XKRX: variants seen among roughly 807,000 people sequenced by gnomAD.
The protein encoded by XKRX is XK related X-linked, also known as XK-related protein 2.
A neutral mutation model predicts 22.4 loss-of-function variants in XKRX; 11 were observed. The ratio of observed to expected loss-of-function variants is 0.49; its 90% CI spans 0.31 to 0.81. The LOEUF (loss-of-function observed/expected upper bound fraction) is 0.81. XKRX is among the 40% of genes least tolerant of loss of function. The pLI, the probability that XKRX is intolerant of heterozygous loss-of-function variation, is 0.05. For missense variants in XKRX, 320 were observed against 336.5 expected (o/e 0.95, Z 0.38); for synonymous variants, 114 against 132.2 (o/e 0.86, Z 0.94).
chrX:100,933,478 TA>T (rs368739515), upstream of XKRX, among the ~76,000 whole-genome samples: 1,018 of 50,463 alleles, frequency 0.02, 16 homozygotes, highest in African/African-American at 0.058. Context: ...AGATTCCGTC[TA>T]AAAAAAAAAA....
At chrX:100,916,578 C>T (rs2085437173) in intron 2 of XKRX, among the ~76,000 whole-genome samples, 1 of 112,214 alleles carries the variant, frequency 8.9e-6, no homozygotes, top group African/African-American at 3.2e-5. Context: ...AGAGAACGCT[C>T]TTGCTAATAG....
the XKRX span, among the ~76,000 whole-genome samples, chrX:100,936,540 C>CAAAAAAAAAAAA: frequency 4.7e-4 from 12 of 25,398 alleles, no homozygotes; most frequent in Non-Finnish European, 7.0e-4. Flanking sequence ...GACTCTGTCT[C>CAAAAAAAAAAAA]AAAAAAAAAA....
the XKRX span, among the ~76,000 whole-genome samples, chrX:100,938,057 G>A: frequency 2.1e-4 from 24 of 111,830 alleles, no homozygotes; most frequent in Non-Finnish European, 4.5e-4. Flanking sequence ...AAAGGATCCC[G>A]AAACCATAAA....
chrX:100,897,593 A>ATGTG, the XKRX span, among the ~76,000 whole-genome samples: 2,431 of 66,337 alleles, frequency 0.037, 77 homozygotes, highest in East Asian at 0.11. Flanking sequence ...AAATATATAT[A>ATGTG]TGTGTGTGTG....
At chrX:100,889,677 G>T in the XKRX span, among the ~76,000 whole-genome samples, 1 of 111,393 alleles carries the variant, frequency 9.0e-6, no homozygotes, top group Non-Finnish European at 1.9e-5. Flanking sequence ...TAGGAGACAG[G>T]CATGGAACAG....
chrX:100,957,689 G>GA, the XKRX span, among the ~76,000 whole-genome samples: 3 of 112,345 alleles, frequency 2.7e-5, no homozygotes, highest in East Asian at 5.5e-4. Flanking sequence ...GATGAGAGAT[G>GA]AAAAAAACAA....
intron 2 of XKRX, among the ~76,000 whole-genome samples, chrX:100,919,152 C>T (rs778136965): frequency 1.3e-4 from 15 of 111,872 alleles, no homozygotes; most frequent in Middle Eastern, 4.6e-3. Context: ...TAATTTGATG[C>T]AAATCTCAAT....
the XKRX span, among the ~76,000 whole-genome samples, chrX:100,946,110 G>A: frequency 2.2e-3 from 238 of 107,734 alleles, no homozygotes; most frequent in African/African-American, 7.2e-3. Context: ...TGCTTGAACC[G>A]GGGAGGCGGA....
chrX:100,909,902 CAAAAAAAAAAAAAAAAA>C (rs5903174), downstream of XKRX, among the ~76,000 whole-genome samples: 2 of 34,527 alleles, frequency 5.8e-5, no homozygotes, highest in Admixed American at 5.0e-4. Context: ...GACTCCATCT[CAAAAAAAAAAAAAAAAA>C]AAAAAAAAAA....
chrX:100,909,954 C>T (rs1222830018), downstream of XKRX, among the ~76,000 whole-genome samples: 1 of 102,480 alleles, frequency 9.8e-6, no homozygotes, highest in Non-Finnish European at 2.0e-5. Context: ...CACCTAGTAC[C>T]GTGCCAGGAA....
At chrX:100,888,518 G>A in the XKRX span, 1 of 699,342 alleles carries the variant, frequency 1.4e-6, no homozygotes, top group Non-Finnish European at 2.3e-6. Flanking sequence ...CTCGTCGGTT[G>A]TTTCAAACCT....
In XKRX at chrX:100,928,656, C is replaced by T; in HGVS notation, c.-352G>A. The stretch of plus-strand genomic sequence containing the variant: ...GGGACGTGAAGAGTCATGAGAACAG[C>T]GGCTTCCGTGGCGGCTCCTTTCGCA... On this transcript the variant is annotated 5_prime_UTR_variant, in exon 1 of 3. Coordinates refer to ENST00000372956, the MANE Select transcript of XKRX (RefSeq NM_212559.3). 1 of 808,798 alleles carries T rather than the reference C, an allele frequency of 1.2e-6. No individual in the cohort carries two copies. The highest frequency in any genetic ancestry group is 5.9e-5 in the South Asian group (1 of 16,905). 66.7% of individuals were successfully genotyped at this position (808,798 alleles called of 1,213,427 possible). A position where few individuals can be genotyped will look rare whatever the true frequency, so the allele number is the denominator to read the frequency against.
downstream of XKRX, chrX:100,913,383 T>TAC (rs56001687): frequency 0.29 from 26,520 of 92,066 alleles, 3,800 homozygotes; most frequent in East Asian, 0.55. Flanking sequence ...CACATACACA[T>TAC]ACACACACAC....
At chrX:100,900,408 T>C in the XKRX span, among the ~76,000 whole-genome samples, 3 of 110,965 alleles carry the variant, frequency 2.7e-5, no homozygotes, top group African/African-American at 9.8e-5. Context: ...CCAAGCTACC[T>C]GGACTCAAAA....
chrX:100,891,069 C>G, the XKRX span, among the ~76,000 whole-genome samples: 1 of 111,341 alleles, frequency 9.0e-6, no homozygotes, highest in Admixed American at 9.6e-5. Context: ...GTCTTATTAT[C>G]AGTGTCTGCA....
chrX:100,950,485 C>G, the XKRX span, among the ~76,000 whole-genome samples: 2 of 111,705 alleles, frequency 1.8e-5, no homozygotes, highest in Non-Finnish European at 3.8e-5. Flanking sequence ...AATAACAGAT[C>G]AAAATCAAAA....
chrX:100,919,592 C>T (rs1461679747), intron 2 of XKRX, among the ~76,000 whole-genome samples: 1 of 111,308 alleles, frequency 9.0e-6, no homozygotes, highest in Non-Finnish European at 1.9e-5. Flanking sequence ...CTAGAAAAAG[C>T]GAGTAAAATA....
chrX:100,909,880 G>C (rs1424141351), downstream of XKRX, among the ~76,000 whole-genome samples: 1 of 92,416 alleles, frequency 1.1e-5, no homozygotes, highest in African/African-American at 4.2e-5. Flanking sequence ...TCCAGCCTGG[G>C]TGACAGAGCG....
At chrX:100,900,581 C>G in the XKRX span, among the ~76,000 whole-genome samples, 1 of 109,064 alleles carries the variant, frequency 9.2e-6, no homozygotes, top group Admixed American at 9.9e-5. Context: ...GTGGGAGAAT[C>G]ATTTGAGCTA....
Sources: gnomAD v4.1 joint callset for allele counts (sites outside exome capture counted in the v4.1 genomes callset) on GRCh38, gnomAD v4.1.1 for gene constraint, MANE v1.5 for transcripts, NCBI Gene and HGNC (gene_info 2026-07-23, HGNC 2026-07-21) for gene names.